Variants in CPNE5 observed in about 807,000 individuals in gnomAD.
CPNE5 encodes copine 5, also known as copine-5.
A neutral mutation model predicts 81.1 loss-of-function variants in CPNE5; 42 were observed. The ratio of observed to expected loss-of-function variants is 0.52; its 90% CI spans 0.40 to 0.67. The LOEUF (loss-of-function observed/expected upper bound fraction) is 0.67. Ranked by LOEUF, CPNE5 falls within the 30% of genes least tolerant of loss-of-function variation. The probability of loss-of-function intolerance (pLI) is 0.00; values close to 1 mark genes in which losing one functional copy is unlikely to be tolerated. For synonymous variants in CPNE5, 313 were observed against 321.5 expected (o/e 0.97, Z 0.28); for missense variants, 612 against 815.5 (o/e 0.75, Z 3.04).
chr6:36,815,351 A>G (rs1306713968), intron 3 of CPNE5, among the ~76,000 whole-genome samples: 1 of 152,102 alleles, frequency 6.6e-6, no homozygotes, highest in African/African-American at 2.4e-5. Flanking sequence ...TGCCTGCTGT[A>G]GTCTGAATGT....
At chr6:36,749,664 A>AAAT (rs1438837906) in intron 14 of CPNE5, among the ~76,000 whole-genome samples, 2 of 125,812 alleles carry the variant, frequency 1.6e-5, no homozygotes, top group South Asian at 2.2e-4. Flanking sequence ...TCAAAAATAA[A>AAAT]AAAAAAAAAC....
intron 8 of CPNE5, among the ~76,000 whole-genome samples, chr6:36,779,753 CCCCT>C (rs1436477178): frequency 3.9e-5 from 6 of 152,210 alleles, no homozygotes; most frequent in Non-Finnish European, 7.3e-5. Flanking sequence ...GATCTCTGGA[CCCCT>C]CAGCCCCTCA....
chr6:36,820,370 C>G (rs1341640140), intron 3 of CPNE5, among the ~76,000 whole-genome samples: 2 of 119,640 alleles, frequency 1.7e-5, no homozygotes, highest in African/African-American at 3.2e-5. Flanking sequence ...GAGATGGAGT[C>G]TCGCTCTGTC....
chr6:36,827,781 G>T (rs888383686), intron 1 of CPNE5: 2 of 983,682 alleles, frequency 2.0e-6, no homozygotes, highest in Non-Finnish European at 2.4e-6. Context: ...CGAGACACCA[G>T]GGCACAGACA....
At chr6:36,821,001 G>A (rs539392147) in intron 3 of CPNE5, among the ~76,000 whole-genome samples, 1 of 151,980 alleles carries the variant, frequency 6.6e-6, no homozygotes, top group Non-Finnish European at 1.5e-5. Context: ...GTGATACAGA[G>A]AAAATAAAAA....
intron 13 of CPNE5, among the ~76,000 whole-genome samples, chr6:36,753,827 A>G (rs1203905826): frequency 6.6e-6 from 1 of 152,234 alleles, no homozygotes; most frequent in East Asian, 1.9e-4. Flanking sequence ...AGACAAATGA[A>G]AGCCTGGCAT....
At chr6:36,790,596 TTTTA>T (rs1410304037) in intron 8 of CPNE5, among the ~76,000 whole-genome samples, 2 of 152,218 alleles carry the variant, frequency 1.3e-5, no homozygotes, top group African/African-American at 2.4e-5. Context: ...ATATGTCTTA[TTTTA>T]TTTATTTATT....
At chr6:36,805,448 A>G (rs1237332544) in intron 3 of CPNE5, among the ~76,000 whole-genome samples, 1 of 152,260 alleles carries the variant, frequency 6.6e-6, no homozygotes, top group African/African-American at 2.4e-5. Context: ...CGTTGCTCAC[A>G]GACCACCAAA....
chr6:36,783,686 A>T (rs1768264660), intron 8 of CPNE5, among the ~76,000 whole-genome samples: 1 of 151,684 alleles, frequency 6.6e-6, no homozygotes, highest in Non-Finnish European at 1.5e-5. Context: ...AGATTTTTAA[A>T]TTTTTTTTGC....
intron 1 of CPNE5, among the ~76,000 whole-genome samples, chr6:36,828,284 A>G (rs1583038349): frequency 7.0e-6 from 1 of 142,568 alleles, no homozygotes; most frequent in East Asian, 2.0e-4. Flanking sequence ...GTGAGATTCC[A>G]TCTCTAAAAC....
chr6:36,802,722 C>T (rs1770235854), intron 3 of CPNE5, among the ~76,000 whole-genome samples: 1 of 152,056 alleles, frequency 6.6e-6, no homozygotes, highest in South Asian at 2.1e-4. Flanking sequence ...TGGGGCTTAC[C>T]CTGAGTGTCC....
At chr6:36,797,671 A>G (rs1387038769) in intron 6 of CPNE5, among the ~76,000 whole-genome samples, 1 of 152,160 alleles carries the variant, frequency 6.6e-6, no homozygotes. Context: ...TTTTCCCTAA[A>G]AGCAAATTAA....
At chr6:36,812,409 G>A in intron 3 of CPNE5, among the ~76,000 whole-genome samples, 1 of 152,176 alleles carries the variant, frequency 6.6e-6, no homozygotes, top group East Asian at 1.9e-4. Context: ...TGATGGTACT[G>A]TTTAATAATA....
At chr6:36,795,280 G>A (rs557188915) in intron 6 of CPNE5, among the ~76,000 whole-genome samples, 1 of 152,300 alleles carries the variant, frequency 6.6e-6, no homozygotes, top group Non-Finnish European at 1.5e-5. Flanking sequence ...CCAGGTTCAA[G>A]TGATTATCCT....
At chr6:36,821,271 C>T (rs236378) in intron 3 of CPNE5, among the ~76,000 whole-genome samples, 3 of 148,560 alleles carry the variant, frequency 2.0e-5, no homozygotes, top group African/African-American at 7.4e-5. Context: ...AGGGGCCCAG[C>T]GTCAGGAGAT....
chr6:36,757,228 G>T, intron 12 of CPNE5: 1 of 641,002 alleles, frequency 1.6e-6, no homozygotes, highest in South Asian at 6.9e-5. Context: ...AATAAGGGAA[G>T]TCTAGGCACA....
intron 20 of CPNE5, chr6:36,743,265 A>G (rs950129956): frequency 1.0e-6 from 1 of 983,842 alleles, no homozygotes; most frequent in African/African-American, 1.7e-5. Flanking sequence ...TCTGCTCATT[A>G]TATTTGCACC....
rs1463355071 is a variant in CPNE5, at chr6:36,834,325, A to AAAG, written c.95+4957_95+4958insCTT. Among the ~76,000 whole-genome samples, 5 of 71,134 alleles carry AAAG rather than the reference A, an allele frequency of 7.0e-5. No individual in the cohort carries two copies. In the East Asian group the frequency reaches 2.0e-3, roughly 28 times the overall value. The allele number at this position is 71,134 out of a possible 152,430, so 46.7% of individuals were successfully genotyped here. Reference sequence around the variant, plus strand: ...GGAGGGAGGGAGGAAGGAAGGAAAGAAAAAAAAAACAAGTTGTGTTATTTA... The same window carrying AAAG: ...GGAGGGAGGGAGGAAGGAAGGAAAGAAAGAAAAAAAAACAAGTTGTGTTATTTA... On this transcript the variant is annotated intron_variant, in intron 1 of 20. Coordinates refer to ENST00000244751, the MANE Select transcript of CPNE5 (RefSeq NM_020939.2).
chr6:36,765,239 G>GGGGCT, intron 11 of CPNE5, 96 bp downstream of exon 11: 1 of 1,390,118 alleles, frequency 7.2e-7, no homozygotes, highest in Non-Finnish European at 1.0e-6. Context: ...GCCACTGCGG[G>GGGGCT]GGGGAGCCTG....
Sources: allele counts gnomAD v4.1 joint callset (sites outside exome capture counted in the v4.1 genomes callset), GRCh38; gene constraint gnomAD v4.1.1; transcripts MANE v1.5; gene names NCBI Gene and HGNC (gene_info 2026-07-23, HGNC 2026-07-21).